TXNDC16: variants seen among roughly 807,000 people sequenced by gnomAD.
The protein encoded by TXNDC16 is thioredoxin domain-containing protein 16.
Under a neutral mutation model 85.6 loss-of-function variants are expected in TXNDC16, and 74 were observed. The observed-to-expected ratio is 0.86, with a 90% CI of 0.72 to 1.05. TXNDC16 has a LOEUF of 1.05. Among genes scored for constraint, TXNDC16 ranks in the 50% least tolerant of loss-of-function variants. The pLI, the probability that TXNDC16 is intolerant of heterozygous loss-of-function variation, is 0.00. For missense variants in TXNDC16, 959 were observed against 947.0 expected (o/e 1.01, Z -0.17); for synonymous variants, 335 against 326.5 (o/e 1.03, Z -0.28).
chr14:52,442,977 G>A (rs918802532), intron 18 of TXNDC16, among the ~76,000 whole-genome samples: 5 of 152,104 alleles, frequency 3.3e-5, no homozygotes, highest in African/African-American at 4.8e-5. Flanking sequence ...TTATTGGTTC[G>A]AAATTAAACA....
chr14:52,504,178 T>C lies in TXNDC16; in HGVS notation c.756+7062A>G, dbSNP rs141351689. ...ATTACCCAGGAGAACTTCCCCAGTC[T>C]AGCAAGACAGGCCAACATTCAGATT... On this transcript the variant is annotated intron_variant, in intron 9 of 20. Coordinates refer to ENST00000281741, the MANE Select transcript of TXNDC16 (RefSeq NM_020784.3). Among the ~76,000 whole-genome samples the C allele has an allele frequency of 2.7e-3, 408 of 152,212 alleles. 4 individuals are homozygous for C. In the East Asian group the frequency reaches 0.035, roughly 13 times the overall value.
intron 6 of TXNDC16, among the ~76,000 whole-genome samples, chr14:52,528,244 C>T (rs1471884994): frequency 6.6e-6 from 1 of 152,084 alleles, no homozygotes; most frequent in Non-Finnish European, 1.5e-5. Flanking sequence ...AAGTAAGGAA[C>T]AACACAAATG....
intron 9 of TXNDC16, among the ~76,000 whole-genome samples, chr14:52,496,159 CAA>C (rs777475456): frequency 1.8e-4 from 19 of 108,352 alleles, no homozygotes; most frequent in Admixed American, 4.0e-4. Flanking sequence ...GACTCCATCT[CAA>C]AAAAAAAAAA....
Position 52,530,451 on chromosome 14 carries a change from TATAATAATATATA to T in TXNDC16, c.392+6255_392+6267del, listed in dbSNP as rs2037515821. On this transcript the variant is annotated intron_variant, in intron 6 of 20. Coordinates refer to ENST00000281741, the MANE Select transcript of TXNDC16 (RefSeq NM_020784.3). ...TATAATAATATATAATATATTATTA[TATAATAATATATA>T]TTATATATTATTATATATAATATTA... Among the ~76,000 whole-genome samples the T allele has an allele frequency of 3.4e-4, 5 of 14,850 alleles. 2 individuals are homozygous for T. Among genetic ancestry groups the T allele is most frequent in the Non-Finnish European group, 2.9e-4 (3 of 10,244 alleles). The allele number at this position is 14,850 out of a possible 152,430, so 9.7% of individuals were successfully genotyped here.
chr14:52,475,329 G>A (rs1270945840), intron 14 of TXNDC16, among the ~76,000 whole-genome samples: 2 of 152,138 alleles, frequency 1.3e-5, no homozygotes, highest in Admixed American at 6.5e-5. Flanking sequence ...GCCAGAACTC[G>A]GGGGAGGGCA....
chr14:52,515,976 T>G (rs1458086003), intron 7 of TXNDC16, among the ~76,000 whole-genome samples: 2 of 152,152 alleles, frequency 1.3e-5, no homozygotes, highest in Non-Finnish European at 2.9e-5. Flanking sequence ...TTTAACTATC[T>G]TTTTAAAAAT....
At chr14:52,526,643 C>G (rs974296814) in intron 6 of TXNDC16, among the ~76,000 whole-genome samples, 1 of 152,194 alleles carries the variant, frequency 6.6e-6, no homozygotes, top group Non-Finnish European at 1.5e-5. Flanking sequence ...GGTCCCCAAC[C>G]CTGTTTGCTG....
chr14:52,520,192 G>A (rs956781322), intron 6 of TXNDC16, among the ~76,000 whole-genome samples: 10 of 152,196 alleles, frequency 6.6e-5, no homozygotes, highest in African/African-American at 2.4e-4. Context: ...CAAGAAGCCA[G>A]GGACAGAATA....
chr14:52,437,301 G>A (rs529593368), intron 20 of TXNDC16, among the ~76,000 whole-genome samples: 137 of 152,042 alleles, frequency 9.0e-4, no homozygotes, highest in African/African-American at 2.7e-3. Flanking sequence ...TACAGAAAAC[G>A]CCTAAAGACT....
chr14:52,469,572 G>A (rs561610877), intron 16 of TXNDC16, among the ~76,000 whole-genome samples: 10 of 151,768 alleles, frequency 6.6e-5, no homozygotes, highest in African/African-American at 1.7e-4. Context: ...GTGAAACCCC[G>A]TCTCTACTAA....
At chr14:52,441,730 T>G (rs1339937592) in intron 18 of TXNDC16, among the ~76,000 whole-genome samples, 2 of 152,176 alleles carry the variant, frequency 1.3e-5, no homozygotes, top group Admixed American at 1.3e-4. Flanking sequence ...AATCTGCCTT[T>G]TTTCAGTTAT....
chr14:52,527,783 ACACAGACT>A (rs1481256780), intron 6 of TXNDC16, among the ~76,000 whole-genome samples: 1 of 152,140 alleles, frequency 6.6e-6, no homozygotes, highest in Non-Finnish European at 1.5e-5. Context: ...TATATATATT[ACACAGACT>A]CACAAGTAGG....
At position 52,482,985 on chromosome 14, in the gene TXNDC16, A is replaced by G; in HGVS notation, c.1109-20T>C. 3 of 1,578,576 alleles carry G rather than the reference A, an allele frequency of 1.9e-6. No individual in the cohort carries two copies. Among genetic ancestry groups the G allele is most frequent in the Non-Finnish European group, 2.6e-6 (3 of 1,164,158 alleles). On this transcript the variant is annotated intron_variant, in intron 12 of 20. Transcript: ENST00000281741. ...GAACATCTAAAATGTTGGAAAAGAAATTAATTTAAATATTGATGTATAATG... is the reference window on the plus strand; with the variant it reads ...GAACATCTAAAATGTTGGAAAAGAAGTTAATTTAAATATTGATGTATAATG...
chr14:52,525,620 CCCAGGAGGCGGAGGTTGCAGTGAGCCAAG>C (rs1240248545), intron 6 of TXNDC16, among the ~76,000 whole-genome samples: 1 of 151,126 alleles, frequency 6.6e-6, no homozygotes, highest in Non-Finnish European at 1.5e-5. Context: ...ACTGCTTGAA[CCCAGGAGGCGGAGGTTGCAGTGAGCCAAG>C]ATCGCACCAC....
chr14:52,537,509 C>T, intron 5 of TXNDC16, 90 bp downstream of exon 5: 2 of 1,008,626 alleles, frequency 2.0e-6, no homozygotes, highest in Non-Finnish European at 1.5e-6. Context: ...CTACATATGA[C>T]TTTATTCTAG....
chr14:52,492,774 T>A lies in TXNDC16; in HGVS notation c.757-1769A>T, dbSNP rs114655784. Reference sequence around the variant, plus strand: ...GGGGGCAGAAATGTCAAGGGCAGCTTACAATGGTGCCACCTTCTCACCATT... The same window carrying A: ...GGGGGCAGAAATGTCAAGGGCAGCTAACAATGGTGCCACCTTCTCACCATT... On this transcript the variant is annotated intron_variant, in intron 9 of 20. Transcript: ENST00000281741. 4.1e-3 allele frequency among the ~76,000 whole-genome samples: 621 copies of A among 152,238 alleles called. 2 individuals are homozygous for A. The highest frequency in any genetic ancestry group is 0.014 in the African/African-American group (570 of 41,528).
Position 52,543,858 on chromosome 14 carries a change from A to G in TXNDC16, c.-73-228T>C, listed in dbSNP as rs763703701. 3.9e-5 allele frequency among the ~76,000 whole-genome samples: 6 copies of G among 152,068 alleles called. No individual in the cohort carries two copies. In the East Asian group the frequency reaches 5.8e-4, roughly 15 times the overall value. On this transcript the variant is annotated intron_variant, in intron 2 of 20. Coordinates refer to ENST00000281741, the MANE Select transcript of TXNDC16 (RefSeq NM_020784.3). ...ATCAAAACTACCTAGAAAATGCTCA[A>G]TTTAGTAGAGTGTGTTAAGCTAATT...
rs144872755 is a variant in TXNDC16 at position 52,483,550 on chromosome 14, T to A, written c.1109-585A>T. Among the ~76,000 whole-genome samples, 3 of 152,182 alleles carry A rather than the reference T, an allele frequency of 2.0e-5. No individual in the cohort carries two copies. The East Asian group carries it at 5.8e-4, about 29-fold the overall frequency. On this transcript the variant is annotated intron_variant, in intron 12 of 20. Coordinates refer to ENST00000281741, the MANE Select transcript of TXNDC16 (RefSeq NM_020784.3). ...TAAAAGAGTTGAGCACATACAAGGC[T>A]GAGGGAAGGCAAATTTGACTAAGAC...
intron 16 of TXNDC16, among the ~76,000 whole-genome samples, chr14:52,459,220 C>G (rs183427244): frequency 1.3e-5 from 2 of 152,116 alleles, no homozygotes; most frequent in Non-Finnish European, 2.9e-5. Flanking sequence ...CACATACATA[C>G]ATCTGTTTTT....
Sources: gnomAD v4.1 joint callset for allele counts (sites outside exome capture counted in the v4.1 genomes callset) on GRCh38, gnomAD v4.1.1 for gene constraint, MANE v1.5 for transcripts, NCBI Gene and HGNC (gene_info 2026-07-23, HGNC 2026-07-21) for gene names.